The following GPR19 variants were observed in gnomAD, a reference collection of about 807,000 sequenced individuals.
GPR19 encodes probable G protein-coupled receptor 19.
GPR19 carries 14 observed loss-of-function variants against 28.5 expected under a neutral mutation model. The observed-to-expected ratio is 0.49, with a 90% CI of 0.32 to 0.77. The LOEUF (loss-of-function observed/expected upper bound fraction) is 0.77, where lower values mean the gene tolerates loss of function less well. Ranked by LOEUF, GPR19 falls within the 30% of genes least tolerant of loss-of-function variation. The pLI, the probability that GPR19 is intolerant of heterozygous loss-of-function variation, is 0.03. For missense variants in GPR19, 409 were observed against 504.1 expected, an observed-to-expected ratio of 0.81 and a Z score of 1.81; for synonymous variants, 173 against 184.1, an observed-to-expected ratio of 0.94 and a Z score of 0.49.
At chr12:12,672,479 A>T (rs1325017098) in intron 3 of GPR19, among the ~76,000 whole-genome samples, 1 of 152,068 alleles carries the variant, frequency 6.6e-6, no homozygotes, top group Non-Finnish European at 1.5e-5. Context: ...GGGTGTGGTG[A>T]CTCATGCCTA....
the GPR19 span, among the ~76,000 whole-genome samples, chr12:12,705,405 A>T: frequency 6.6e-6 from 1 of 152,216 alleles, no homozygotes; most frequent in Admixed American, 6.5e-5. Flanking sequence ...GGAACAGAAG[A>T]TGCTGTTCTA....
At chr12:12,710,333 A>G in the GPR19 span, among the ~76,000 whole-genome samples, 9 of 144,370 alleles carry the variant, frequency 6.2e-5, no homozygotes, top group Non-Finnish European at 1.2e-4. Context: ...AGCTTGGGCA[A>G]CAAGAATGGA....
chr12:12,665,427 C>T (rs902155398), intron 3 of GPR19, among the ~76,000 whole-genome samples: 3 of 152,164 alleles, frequency 2.0e-5, no homozygotes, highest in Admixed American at 6.5e-5. Context: ...ACGAGGGAGC[C>T]CGAGGAGTTC....
chr12:12,661,070 C>A lies in GPR19; in HGVS notation c.*131G>T. 1.5e-6 allele frequency: 1 copy of A among 647,046 alleles called. No individual in the cohort carries two copies. Among genetic ancestry groups the A allele is most frequent in the Non-Finnish European group, 2.5e-6 (1 of 397,922 alleles). 40.1% of individuals were successfully genotyped at this position (647,046 alleles called of 1,614,324 possible). ...TAAAACCCACAAAAACTACAGTAAA[C>A]AAATGAATGCATTTTACAAAATAAA... On this transcript the variant is annotated 3_prime_UTR_variant, in exon 4 of 4. Coordinates refer to ENST00000651487, the MANE Select transcript of GPR19 (RefSeq NM_006143.3). This position sits in a 1 kb window ranked among gnomAD's most constrained non-coding sequence, Gnocchi z 4.2.
intron 3 of GPR19, among the ~76,000 whole-genome samples, chr12:12,670,075 A>G (rs1302844422): frequency 2.6e-5 from 4 of 152,230 alleles, no homozygotes; most frequent in African/African-American, 9.6e-5. Flanking sequence ...AAAACTACAT[A>G]AGGCTAGGTA....
At chr12:12,707,552 G>T in the GPR19 span, among the ~76,000 whole-genome samples, 1 of 152,206 alleles carries the variant, frequency 6.6e-6, no homozygotes, top group African/African-American at 2.4e-5. Context: ...AGAACAGCAA[G>T]TGGGTAGGTT....
At chr12:12,671,150 A>T (rs1196006308) in intron 3 of GPR19, among the ~76,000 whole-genome samples, 3 of 151,796 alleles carry the variant, frequency 2.0e-5, no homozygotes, top group Admixed American at 1.3e-4. Flanking sequence ...AATAAAAAAA[A>T]AAAAAATTAG....
intron 3 of GPR19, among the ~76,000 whole-genome samples, chr12:12,665,655 A>G (rs902269647): frequency 1.4e-4 from 21 of 151,850 alleles, no homozygotes; most frequent in African/African-American, 4.8e-4. Flanking sequence ...TGGCTAACAC[A>G]GTGAAACTCC....
intron 2 of GPR19, among the ~76,000 whole-genome samples, chr12:12,693,074 A>G (rs907192269): frequency 6.6e-6 from 1 of 152,244 alleles, no homozygotes; most frequent in Admixed American, 6.5e-5. Context: ...TTATAAACCT[A>G]GAAACCAGAA....
chr12:12,703,781 G>A, the GPR19 span, among the ~76,000 whole-genome samples: 1 of 152,164 alleles, frequency 6.6e-6, no homozygotes, highest in African/African-American at 2.4e-5. Context: ...GACTGTATAA[G>A]TTGCATGACT....
rs529619699 is a variant in GPR19, at chr12:12,689,334, G to A, written c.-179-4827C>T. 2.0e-5 allele frequency among the ~76,000 whole-genome samples: 3 copies of A among 152,250 alleles called. No homozygotes were observed. The South Asian group carries it at 6.2e-4, about 32-fold the overall frequency. On this transcript the variant is annotated intron_variant, in intron 2 of 3. Transcript: ENST00000651487. ...CAAACTGCATGAGGGTGTCATCCTGGAAACTTGAAAGTACCTCAGTGCATA... is the reference window on the plus strand; with the variant it reads ...CAAACTGCATGAGGGTGTCATCCTGAAAACTTGAAAGTACCTCAGTGCATA...
the GPR19 span, among the ~76,000 whole-genome samples, chr12:12,702,836 G>T: frequency 4.6e-5 from 7 of 152,128 alleles, no homozygotes. Context: ...AAAAAATGAT[G>T]ATTTAATTTT....
At chr12:12,673,695 TGTGGCTACAGCATATGA>T (rs1945887780) in intron 3 of GPR19, among the ~76,000 whole-genome samples, 1 of 152,140 alleles carries the variant, frequency 6.6e-6, no homozygotes, top group South Asian at 2.1e-4. Context: ...GAGCTTGTTA[TGTGGCTACAGCATATGA>T]ATACCAAAGA....
intron 3 of GPR19, among the ~76,000 whole-genome samples, chr12:12,676,802 A>G (rs1945938438): frequency 6.6e-6 from 1 of 152,178 alleles, no homozygotes; most frequent in South Asian, 2.1e-4. Context: ...TGGCCAAGGA[A>G]TTTGCACCTC....
At chr12:12,690,028 C>T (rs1413139663) in intron 2 of GPR19, among the ~76,000 whole-genome samples, 6 of 152,272 alleles carry the variant, frequency 3.9e-5, no homozygotes, top group East Asian at 3.9e-4. Context: ...GTGAGAGACC[C>T]GAAGCCAGAT....
chr12:12,715,325 C>T, the GPR19 span, among the ~76,000 whole-genome samples: 15 of 152,162 alleles, frequency 9.9e-5, no homozygotes, highest in African/African-American at 3.6e-4. Flanking sequence ...AAATTGACAG[C>T]CTTAAAAGTA....
the GPR19 span, among the ~76,000 whole-genome samples, chr12:12,703,720 C>G: frequency 6.6e-6 from 1 of 152,092 alleles, no homozygotes; most frequent in South Asian, 2.1e-4. Context: ...GAGTTAGGAG[C>G]CCAAGCCAGT....
chr12:12,672,167 T>G (rs1437709915), intron 3 of GPR19, among the ~76,000 whole-genome samples: 3 of 152,210 alleles, frequency 2.0e-5, no homozygotes, highest in Admixed American at 2.0e-4. Flanking sequence ...TTACCCCACA[T>G]GAAGGTTTAA....
the GPR19 span, among the ~76,000 whole-genome samples, chr12:12,706,958 T>C: frequency 6.6e-6 from 1 of 152,240 alleles, no homozygotes. Context: ...AAAAAAACTC[T>C]ATGCTCAAGG....
Sources: gnomAD v4.1 joint callset for allele counts (sites outside exome capture counted in the v4.1 genomes callset) on GRCh38, gnomAD v4.1.1 for gene constraint, Gnocchi (gnomAD v3.1) non-coding constraint, MANE v1.5 for transcripts, NCBI Gene and HGNC (gene_info 2026-07-23, HGNC 2026-07-21) for gene names.